The following ZMIZ1 variants were observed in gnomAD, a reference collection of about 807,000 sequenced individuals.
ZMIZ1 encodes the protein zinc finger MIZ domain-containing protein 1.
In ZMIZ1, 17 loss-of-function variants were observed where a neutral mutation model predicts 113.9. The ratio of observed to expected loss-of-function variants is 0.15; its 90% CI spans 0.10 to 0.22. The LOEUF (loss-of-function observed/expected upper bound fraction) is 0.22. ZMIZ1 is among the 10% of genes least tolerant of loss of function. The probability of loss-of-function intolerance (pLI) is 1.00; values close to 1 mark genes in which losing one functional copy is unlikely to be tolerated. For missense variants in ZMIZ1, 1,059 were observed against 1,477.8 expected, an observed-to-expected ratio of 0.72 and a Z score of 4.65; for synonymous variants, 607 against 603.1, an observed-to-expected ratio of 1.01 and a Z score of -0.09.
intron 12 of ZMIZ1, chr10:79,294,307 G>T: frequency 6.4e-6 from 1 of 156,226 alleles, no homozygotes; most frequent in South Asian, 1.9e-4. Flanking sequence ...CTTAGCTCTT[G>T]TTTCCATCCA....
intron 3 of ZMIZ1, among the ~76,000 whole-genome samples, chr10:79,141,450 C>CT (rs74767834): frequency 0.032 from 4,683 of 148,586 alleles, 133 homozygotes; most frequent in East Asian, 0.1. Context: ...CCAAGGAAAG[C>CT]TTTTTTTTTT....
chr10:79,256,620 A>G (rs1850919108), intron 7 of ZMIZ1, among the ~76,000 whole-genome samples: 1 of 152,192 alleles, frequency 6.6e-6, no homozygotes, highest in South Asian at 2.1e-4. Flanking sequence ...TTTCACAAGA[A>G]ATGCCCTGCC....
In ZMIZ1 at chr10:79,216,641, C is replaced by G. The variant is rs562727224; in HGVS notation, c.280+367C>G. On this transcript the variant is annotated intron_variant, in intron 7 of 24. Transcript: ENST00000334512. The stretch of plus-strand genomic sequence containing the variant: ...CATTTTACACATGAGGAAACTGAGG[C>G]TCACAAACACAGAGGAGATTTCCCA... Among the ~76,000 whole-genome samples the G allele has an allele frequency of 4.6e-5, 7 of 152,302 alleles. No homozygotes were observed. In the South Asian group the frequency reaches 1.5e-3, roughly 32 times the overall value.
chr10:79,204,100 T>G (rs1848214412), intron 5 of ZMIZ1, among the ~76,000 whole-genome samples: 2 of 152,196 alleles, frequency 1.3e-5, no homozygotes. Flanking sequence ...GGACTGTTGA[T>G]TCTCAGGCAT....
chr10:79,272,240 C>T (rs1446951119), intron 7 of ZMIZ1, among the ~76,000 whole-genome samples: 2 of 151,830 alleles, frequency 1.3e-5, no homozygotes, highest in African/African-American at 2.4e-5. Flanking sequence ...GAGCCAAGAT[C>T]GCACCACTGC....
chr10:79,289,956 C>A (rs1853365006), intron 9 of ZMIZ1, 67 bp downstream of exon 9: 19 of 1,465,594 alleles, frequency 1.3e-5, no homozygotes, highest in Non-Finnish European at 1.8e-5. Context: ...CCCCTGGAGC[C>A]ATACCAGCCC....
chr10:79,136,370 C>A (rs1016093345), intron 2 of ZMIZ1, among the ~76,000 whole-genome samples: 1 of 152,258 alleles, frequency 6.6e-6, no homozygotes, highest in Non-Finnish European at 1.5e-5. Flanking sequence ...TGGCAAGGAC[C>A]CCAGCCCTGC....
intron 12 of ZMIZ1, chr10:79,295,413 TC>T (rs1244586101): frequency 6.6e-6 from 1 of 152,252 alleles, no homozygotes; most frequent in African/African-American, 2.4e-5. Context: ...TGCGGCCTGA[TC>T]CTGTCTGGAA....
intron 4 of ZMIZ1, among the ~76,000 whole-genome samples, chr10:79,190,570 A>G (rs918982540): frequency 1.3e-5 from 2 of 152,118 alleles, no homozygotes; most frequent in Non-Finnish European, 2.9e-5. Flanking sequence ...GTTTTTTAGA[A>G]ATTAAAAAAT....
In ZMIZ1 at chr10:79,313,968, G is replaced by C. The variant is rs1420889755; in HGVS notation, c.*1219G>C. The C allele has an allele frequency of 4.5e-6, 2 of 442,404 alleles. No homozygotes were observed. The highest frequency in any genetic ancestry group is 9.1e-6 in the Non-Finnish European group (2 of 219,430). 27.4% of individuals were successfully genotyped at this position (442,404 alleles called of 1,614,324 possible). The stretch of plus-strand genomic sequence containing the variant: ...CCAAGCTGCCCCCGGCTGCAGCCCA[G>C]GCCATGGACATGTGCACCAGTATGT... On this transcript the variant is annotated 3_prime_UTR_variant, in exon 25 of 25. Transcript: ENST00000334512.
At chr10:79,214,163 C>T (rs1429074377) in intron 6 of ZMIZ1, among the ~76,000 whole-genome samples, 1 of 152,106 alleles carries the variant, frequency 6.6e-6, no homozygotes, top group East Asian at 1.9e-4. Context: ...TTCAACAGGC[C>T]ATAAAGAGTT....
Position 79,315,939 on chromosome 10 carries a change from T to G in ZMIZ1, c.*3190T>G, listed in dbSNP as rs949514145. 1 of 152,754 alleles carries G rather than the reference T, an allele frequency of 6.5e-6. No individual in the cohort carries two copies. The highest frequency in any genetic ancestry group is 1.5e-5 in the Non-Finnish European group (1 of 68,040). 9.5% of individuals were successfully genotyped at this position (152,754 alleles called of 1,614,324 possible). On this transcript the variant is annotated 3_prime_UTR_variant, in exon 25 of 25. Transcript: ENST00000334512. ...AGCATTTGTGAGTTCTCCACGTCTG[T>G]CTCTCTCGCTCATGTAATATACTCT...
rs771279878 is a variant in ZMIZ1, at chr10:79,277,262, G to C, written c.362G>C (p.Gly121Ala). Residue 121 changes from glycine to alanine, a missense_variant, in exon 8 of 25, where the codon GGG becomes GCG. By Grantham distance (60) the Gly-to-Ala change is moderately conservative. This residue lies in a region of ZMIZ1 where 272 missense variants were observed against 350.4 expected (regional missense o/e 0.78). Coordinates refer to ENST00000334512, the MANE Select transcript of ZMIZ1 (RefSeq NM_020338.4). ...HQKSRQSDPPGKLPMQPPLSS... is the reference protein window; with the variant it reads ...HQKSRQSDPPAKLPMQPPLSS... ...AAGAGCCGCCAGAGCGATCCCCCTG[G>C]GAAACTCCCCATGCAGCCCCCTCTC... 3 of 1,597,400 alleles carry C rather than the reference G, an allele frequency of 1.9e-6. No homozygotes were observed. The East Asian group carries it at 6.9e-5, about 37-fold the overall frequency.
At chr10:79,170,199 A>G (rs2132528298) in intron 4 of ZMIZ1, among the ~76,000 whole-genome samples, 1 of 152,324 alleles carries the variant, frequency 6.6e-6, no homozygotes, top group South Asian at 2.1e-4. Context: ...TCTGGGACAC[A>G]CTGGTGCCTG....
intron 8 of ZMIZ1, among the ~76,000 whole-genome samples, chr10:79,278,688 G>A (rs908567134): frequency 6.6e-6 from 1 of 151,738 alleles, no homozygotes; most frequent in African/African-American, 2.4e-5. Context: ...AGCACATCTT[G>A]CACCGCCCTT....
intron 10 of ZMIZ1, among the ~76,000 whole-genome samples, chr10:79,291,705 T>G (rs1474242875): frequency 2.0e-5 from 3 of 152,194 alleles, no homozygotes; most frequent in African/African-American, 7.2e-5. Context: ...CCCATTCTCC[T>G]CTTTCCACCC....
chr10:79,150,005 C>T (rs972582159), intron 3 of ZMIZ1, among the ~76,000 whole-genome samples: 24 of 152,240 alleles, frequency 1.6e-4, no homozygotes, highest in African/African-American at 5.8e-4. Flanking sequence ...ACTCCAGCCC[C>T]CAGAAAGCAT....
In ZMIZ1 at chr10:79,286,035, G is replaced by T. The variant is rs1055651971; in HGVS notation, c.426-3740G>T. Among the ~76,000 whole-genome samples the T allele has an allele frequency of 3.0e-4, 46 of 152,202 alleles. 1 individual carries two copies. The highest frequency in any genetic ancestry group is 3.0e-3 in the Admixed American group (46 of 15,284). On this transcript the variant is annotated intron_variant, in intron 8 of 24. Transcript: ENST00000334512. ...GAGCAGGATTGTTGGGGCCGTTTTG[G>T]CTGGACAGGACTGTGGCTGGGAGCA... is the stretch of plus-strand genomic sequence containing the variant.
At chr10:79,151,053 G>A (rs935705287) in intron 3 of ZMIZ1, among the ~76,000 whole-genome samples, 3 of 152,042 alleles carry the variant, frequency 2.0e-5, no homozygotes, top group Non-Finnish European at 2.9e-5. Flanking sequence ...AGGGCACCAC[G>A]GGGAAAGACC....
Sources: gnomAD v4.1 joint callset for allele counts (sites outside exome capture counted in the v4.1 genomes callset) on GRCh38, gnomAD v4.1.1 for gene constraint, gnomAD v4.1.1 regional missense constraint, MANE v1.5 for transcripts, NCBI Gene and HGNC (gene_info 2026-07-23, HGNC 2026-07-21) for gene names.